The following NAV2 variants were observed in gnomAD, a reference collection of about 807,000 sequenced individuals.
NAV2 encodes the protein helicase, APC down-regulated 1.
NAV2 carries 54 observed loss-of-function variants against 223.2 expected under a neutral mutation model. That is an observed-to-expected ratio of 0.24 (90% CI 0.19 to 0.30). The LOEUF (loss-of-function observed/expected upper bound fraction) is 0.30, where lower values mean the gene tolerates loss of function less well. NAV2 is among the 10% of genes least tolerant of loss of function. The probability of loss-of-function intolerance (pLI) is 1.00; values close to 1 mark genes in which losing one functional copy is unlikely to be tolerated. For missense variants in NAV2, 2,806 were observed against 3,147.5 expected, an observed-to-expected ratio of 0.89 and a Z score of 2.60; for synonymous variants, 1,279 against 1,239.3, an observed-to-expected ratio of 1.03 and a Z score of -0.67.
At chr11:19,858,881 C>T (rs536625931) in intron 3 of NAV2, among the ~76,000 whole-genome samples, 10 of 152,202 alleles carry the variant, frequency 6.6e-5, no homozygotes, top group African/African-American at 2.4e-4. Flanking sequence ...CAGGAAATGC[C>T]GCTGGTATGA....
intron 11 of NAV2, among the ~76,000 whole-genome samples, chr11:20,030,191 G>A (rs1487945442): frequency 6.6e-6 from 1 of 152,172 alleles, no homozygotes; most frequent in Non-Finnish European, 1.5e-5. Context: ...TGCTTTGAAA[G>A]TTTTATTGTG....
At chr11:19,599,385 T>G (rs2046296441) in intron 1 of NAV2, among the ~76,000 whole-genome samples, 1 of 152,228 alleles carries the variant, frequency 6.6e-6, no homozygotes, top group Non-Finnish European at 1.5e-5. Flanking sequence ...CCTGCGAGGT[T>G]GTCTTATTGT....
chr11:19,359,413 T>C (rs956520692), intron 1 of NAV2, among the ~76,000 whole-genome samples: 2 of 152,214 alleles, frequency 1.3e-5, no homozygotes, highest in East Asian at 1.9e-4. Flanking sequence ...TTCATTGATG[T>C]CTGTGTTGGC....
At chr11:19,345,589 C>A in the NAV2 span, among the ~76,000 whole-genome samples, 3 of 152,186 alleles carry the variant, frequency 2.0e-5, no homozygotes, top group African/African-American at 4.8e-5. This position sits in a 1 kb window ranked among gnomAD's most constrained non-coding sequence, Gnocchi z 5.2. Flanking sequence ...AGATACCGGG[C>A]GAGCGGACGC....
At chr11:19,648,898 T>A (rs969337950) in intron 1 of NAV2, among the ~76,000 whole-genome samples, 1 of 152,236 alleles carries the variant, frequency 6.6e-6, no homozygotes, top group Non-Finnish European at 1.5e-5. Context: ...ATGTTAATAT[T>A]TTGATGTATT....
chr11:19,667,494 G>A (rs2048448600), intron 1 of NAV2, among the ~76,000 whole-genome samples: 1 of 152,204 alleles, frequency 6.6e-6, no homozygotes, highest in Admixed American at 6.5e-5. Context: ...GTGAAGAGGA[G>A]GAGACAATTC....
At chr11:19,623,644 G>A (rs919899935) in intron 1 of NAV2, among the ~76,000 whole-genome samples, 6 of 152,158 alleles carry the variant, frequency 3.9e-5, no homozygotes, top group African/African-American at 9.7e-5. Context: ...CTCTACACTG[G>A]TTATTCCAGT....
chr11:20,027,636 T>G (rs1476633399), intron 11 of NAV2: 1 of 179,130 alleles, frequency 5.6e-6, no homozygotes, highest in Non-Finnish European at 1.1e-5. Context: ...CCTTGCTTTG[T>G]GAAGACTGCT....
chr11:20,014,337 G>A (rs918011979), intron 11 of NAV2, among the ~76,000 whole-genome samples: 3 of 152,160 alleles, frequency 2.0e-5, no homozygotes, highest in African/African-American at 7.2e-5. Flanking sequence ...CATCTTAATA[G>A]AGATAACAGT....
At chr11:19,697,832 G>A (rs565830291) in intron 1 of NAV2, among the ~76,000 whole-genome samples, 157 of 152,330 alleles carry the variant, frequency 1.0e-3, no homozygotes, top group African/African-American at 3.6e-3. Flanking sequence ...CAGCAGCTCC[G>A]TGCTGAGTGG....
chr11:20,027,261 G>A (rs919595255), intron 11 of NAV2: 8 of 985,280 alleles, frequency 8.1e-6, no homozygotes, highest in Non-Finnish European at 9.6e-6. Flanking sequence ...CTACAGTTAG[G>A]CTTGCTCACT....
intron 1 of NAV2, among the ~76,000 whole-genome samples, chr11:19,732,138 T>C (rs2051837101): frequency 6.6e-6 from 1 of 151,830 alleles, no homozygotes. Flanking sequence ...TTGTAGTCAG[T>C]CTCCCTGCTA....
At chr11:19,454,982 G>T (rs75843760) in intron 1 of NAV2, among the ~76,000 whole-genome samples, 101 of 152,284 alleles carry the variant, frequency 6.6e-4, no homozygotes, top group African/African-American at 2.3e-3. Context: ...GGTTAGAAAT[G>T]CAAATTCTCA....
At chr11:19,474,203 T>A (rs1217790019) in intron 1 of NAV2, among the ~76,000 whole-genome samples, 2 of 152,234 alleles carry the variant, frequency 1.3e-5, no homozygotes, top group Admixed American at 1.3e-4. Flanking sequence ...CCACTTCTCA[T>A]GTCAGCTCTG....
chr11:19,947,654 A>ATAGTC (rs1033583683), intron 9 of NAV2, among the ~76,000 whole-genome samples: 3 of 152,190 alleles, frequency 2.0e-5, no homozygotes, highest in Non-Finnish European at 4.4e-5. Flanking sequence ...GGTGCACACG[A>ATAGTC]TAGTCTTGAC....
intron 6 of NAV2, among the ~76,000 whole-genome samples, chr11:19,907,104 G>A (rs943441108): frequency 2.3e-4 from 12 of 52,274 alleles, no homozygotes; most frequent in Non-Finnish European, 4.2e-4. Flanking sequence ...TACGGTTTCC[G>A]TGAGATGAAA....
At chr11:19,881,517 G>A (rs1041056849) in intron 5 of NAV2, among the ~76,000 whole-genome samples, 2 of 152,124 alleles carry the variant, frequency 1.3e-5, no homozygotes, top group Non-Finnish European at 2.9e-5. Flanking sequence ...TCTGTGGGGG[G>A]AAAATATTGG....
chr11:19,889,185 G>C (rs547032161), intron 5 of NAV2, among the ~76,000 whole-genome samples: 2 of 152,094 alleles, frequency 1.3e-5, no homozygotes, highest in South Asian at 4.1e-4. Flanking sequence ...GAGATGTTTT[G>C]GTTCCCTCCT....
At chr11:19,800,265 A>T (rs2058161450) in intron 1 of NAV2, among the ~76,000 whole-genome samples, 1 of 152,136 alleles carries the variant, frequency 6.6e-6, no homozygotes, top group Admixed American at 6.5e-5. Context: ...ACTTCTGACA[A>T]GCCTGGGCTT....
Sources: gnomAD v4.1 joint callset for allele counts (sites outside exome capture counted in the v4.1 genomes callset) on GRCh38, gnomAD v4.1.1 for gene constraint, Gnocchi (gnomAD v3.1) non-coding constraint, MANE v1.5 for transcripts, NCBI Gene and HGNC (gene_info 2026-07-23, HGNC 2026-07-21) for gene names.